Variants in ARPC1A observed in about 807,000 individuals in gnomAD.
The protein encoded by ARPC1A is actin-related protein 2/3 complex subunit 1A.
ARPC1A carries 8 observed loss-of-function variants against 46.9 expected under a neutral mutation model. The ratio of observed to expected loss-of-function variants is 0.17; its 90% CI spans 0.10 to 0.31. The LOEUF (loss-of-function observed/expected upper bound fraction) is 0.31. ARPC1A is among the 10% of genes least tolerant of loss of function. The probability of loss-of-function intolerance (pLI) is 1.00; values close to 1 mark genes in which losing one functional copy is unlikely to be tolerated. For missense variants in ARPC1A, 286 were observed against 483.6 expected (o/e 0.59, Z 3.83); for synonymous variants, 152 against 169.0 (o/e 0.90, Z 0.78).
chr7:99,335,798 C>T (rs1420636187), intron 2 of ARPC1A, among the ~76,000 whole-genome samples: 2 of 151,984 alleles, frequency 1.3e-5, no homozygotes, highest in African/African-American at 4.8e-5. Flanking sequence ...ATTAAAAATA[C>T]AAAAAATTAG....
chr7:99,357,857 C>G (rs1562802579), intron 6 of ARPC1A, among the ~76,000 whole-genome samples: 1 of 152,218 alleles, frequency 6.6e-6, no homozygotes, highest in African/African-American at 2.4e-5. Context: ...GCTCCTAACA[C>G]AGTGCCTGGC....
intron 6 of ARPC1A, among the ~76,000 whole-genome samples, chr7:99,355,053 G>T (rs1042932459): frequency 6.6e-6 from 1 of 151,246 alleles, no homozygotes; most frequent in African/African-American, 2.4e-5. Context: ...GGCGGAGGTT[G>T]CAGTGAGCCA....
rs1452628937 is a variant in ARPC1A at position 99,338,177 on chromosome 7, C to G, written c.65-4C>G. ...GTTAACTGTTGTTTGACTTGTGTCT[C>G]CAGAGATTGCCCTCAGTCCCAATAA... On this transcript the variant is annotated splice_region_variant and splice_polypyrimidine_tract_variant and intron_variant, in intron 2 of 9. Transcript: ENST00000262942. The G allele has an allele frequency of 6.2e-7, 1 of 1,601,714 alleles. No individual in the cohort carries two copies. Among genetic ancestry groups the G allele is most frequent in the Admixed American group, 1.7e-5 (1 of 59,738 alleles).
In ARPC1A at chr7:99,366,233, T is replaced by C. The variant is rs181379899; in HGVS notation, c.*304T>C. 40 of 290,854 alleles carry C rather than the reference T, an allele frequency of 1.4e-4. No individual in the cohort carries two copies. The highest frequency in any genetic ancestry group is 2.4e-4 in the Non-Finnish European group (37 of 156,046). The allele number at this position is 290,854 out of a possible 1,614,324, so 18.0% of individuals were successfully genotyped here. A position where few individuals can be genotyped will look rare whatever the true frequency, so the allele number is the denominator to read the frequency against. ...TGAGGGAGATATGTAAATTGTCCAC[T>C]AGAAAATTAAATAAAAGAACTGAAT... On this transcript the variant is annotated 3_prime_UTR_variant, in exon 10 of 10. Coordinates refer to ENST00000262942, the MANE Select transcript of ARPC1A (RefSeq NM_006409.4).
chr7:99,362,938 G>A (rs1372181466), intron 8 of ARPC1A, among the ~76,000 whole-genome samples: 1 of 152,032 alleles, frequency 6.6e-6, no homozygotes, highest in Non-Finnish European at 1.5e-5. Context: ...AGGGCTGTTG[G>A]CTTATCTGCA....
chr7:99,349,908 G>A (rs960347379), intron 5 of ARPC1A, among the ~76,000 whole-genome samples: 2 of 152,108 alleles, frequency 1.3e-5, no homozygotes, highest in Non-Finnish European at 2.9e-5. Flanking sequence ...CTACTTGGGA[G>A]GCTAGGGCAT....
intron 3 of ARPC1A, chr7:99,340,146 G>A (rs1403475368): frequency 7.9e-6 from 3 of 379,388 alleles, no homozygotes; most frequent in Non-Finnish European, 1.5e-5. Flanking sequence ...TCTTTTTTCT[G>A]TTTTTGTTTG....
intron 3 of ARPC1A, among the ~76,000 whole-genome samples, chr7:99,342,174 C>T (rs1196762059): frequency 1.3e-5 from 2 of 152,164 alleles, no homozygotes; most frequent in African/African-American, 2.4e-5. Context: ...TCACTTTCTC[C>T]TTTCCTGTAC....
At chr7:99,364,306 CTT>C (rs1793792091) in intron 9 of ARPC1A, among the ~76,000 whole-genome samples, 1 of 125,750 alleles carries the variant, frequency 8.0e-6, no homozygotes, top group South Asian at 2.7e-4. Flanking sequence ...GAGTTTCGCT[CTT>C]GTTGCCCAGG....
At position 99,359,652 on chromosome 7, in the gene ARPC1A, C is replaced by A. The variant is rs141228867; in HGVS notation, c.897C>A (p.Ala299=). Residue 299 remains alanine (A), a synonymous_variant, in exon 8 of 10, where the codon GCC becomes GCA. Transcript: ENST00000262942. ...AGAGCATCCAACGCAACATGTCTGC[C>A]ATGGAACGCTTCCGCAACATGGACA... ...PKQSIQRNMS[A]MERFRNMDKR... 1.4e-5 allele frequency: 23 copies of A among 1,614,024 alleles called. No individual in the cohort carries two copies. Among genetic ancestry groups the A allele is most frequent in the Non-Finnish European group, 1.8e-5 (21 of 1,180,042 alleles).
intron 5 of ARPC1A, among the ~76,000 whole-genome samples, 173 bp from the exon 6 acceptor site, chr7:99,353,736 C>T (rs1334651664): frequency 4.0e-5 from 6 of 151,838 alleles, no homozygotes; most frequent in Non-Finnish European, 7.4e-5. Flanking sequence ...ACCTAGGCCT[C>T]CCAAAGTGCT....
intron 4 of ARPC1A, 40 bp downstream of exon 4, chr7:99,344,555 AT>A (rs1343176458): frequency 1.9e-6 from 3 of 1,599,260 alleles, no homozygotes; most frequent in Middle Eastern, 3.3e-4. Context: ...TCTCTATAGA[AT>A]TTACATTTGC....
Position 99,359,666 on chromosome 7 carries a change from G to A in ARPC1A, c.911G>A (p.Arg304His), listed in dbSNP as rs1156685683. The change falls in exon 8 of 10, where the codon CGC (arginine) becomes CAC (histidine). Residue 304 changes from arginine (R) to histidine (H), a missense_variant. Coordinates refer to ENST00000262942, the MANE Select transcript of ARPC1A (RefSeq NM_006409.4). ...QRNMSAMERF[R>H]NMDKRATTED... The stretch of plus-strand genomic sequence containing the variant: ...AACATGTCTGCCATGGAACGCTTCC[G>A]CAACATGGACAAGAGAGCCACAACT... The A allele has an allele frequency of 6.2e-6, 10 of 1,614,004 alleles. No individual in the cohort carries two copies. Among genetic ancestry groups the A allele is most frequent in the East Asian group, 2.2e-5 (1 of 44,876 alleles).
At chr7:99,360,670 T>G (rs1025415461) in intron 8 of ARPC1A, among the ~76,000 whole-genome samples, 2 of 152,128 alleles carry the variant, frequency 1.3e-5, no homozygotes, top group Non-Finnish European at 2.9e-5. Flanking sequence ...CTGGGCATGA[T>G]GGCTTACACC....
chr7:99,333,469 C>T (rs1172724324), intron 2 of ARPC1A, 52 bp downstream of exon 2: 8 of 1,487,986 alleles, frequency 5.4e-6, no homozygotes, highest in Non-Finnish European at 6.5e-6. Flanking sequence ...TGGTACATTT[C>T]ATCTTTAGAC....
At chr7:99,363,494 T>C in intron 8 of ARPC1A, 49 bp from the exon 9 acceptor site, 1 of 1,342,504 alleles carries the variant, frequency 7.4e-7, no homozygotes, top group East Asian at 2.3e-5. Flanking sequence ...ATGTTTGTGT[T>C]CACTTCCACT....
chr7:99,327,219 C>T, intron 1 of ARPC1A, among the ~76,000 whole-genome samples: 1 of 151,616 alleles, frequency 6.6e-6, no homozygotes, highest in East Asian at 1.9e-4. Flanking sequence ...GCAGCCTCGA[C>T]CTCCTGGGCT....
intron 6 of ARPC1A, among the ~76,000 whole-genome samples, chr7:99,356,402 C>T (rs1031381721): frequency 2.7e-5 from 4 of 146,146 alleles, no homozygotes; most frequent in East Asian, 2.1e-4. Flanking sequence ...GTAAGGAGTT[C>T]GAGACCAGCA....
intron 6 of ARPC1A, among the ~76,000 whole-genome samples, chr7:99,356,085 C>T (rs768014015): frequency 1.3e-5 from 2 of 152,126 alleles, no homozygotes; most frequent in Non-Finnish European, 2.9e-5. Context: ...TTGTTCTTCC[C>T]TGGTGTTCCT....
Sources: gnomAD v4.1 joint callset for allele counts (sites outside exome capture counted in the v4.1 genomes callset) on GRCh38, gnomAD v4.1.1 for gene constraint, MANE v1.5 for transcripts, NCBI Gene and HGNC (gene_info 2026-07-23, HGNC 2026-07-21) for gene names.